Variants in NAALADL2 observed in about 807,000 individuals in gnomAD.
The protein encoded by NAALADL2 is N-acetylated alpha-linked acidic dipeptidase like 2.
A neutral mutation model predicts 87.2 loss-of-function variants in NAALADL2; 76 were observed. That is an observed-to-expected ratio of 0.87 (90% CI 0.72 to 1.05). The LOEUF (loss-of-function observed/expected upper bound fraction) is 1.05, where lower values mean the gene tolerates loss of function less well. NAALADL2 is among the 50% of genes least tolerant of loss of function. The pLI, the probability that NAALADL2 is intolerant of heterozygous loss-of-function variation, is 0.00. For synonymous variants in NAALADL2, 354 were observed against 331.0 expected, an observed-to-expected ratio of 1.07 and a Z score of -0.75; for missense variants, 1,089 against 945.8, an observed-to-expected ratio of 1.15 and a Z score of -1.99.
In NAALADL2 at chr3:175,570,741, G is replaced by A. The variant is rs369782804; in HGVS notation, c.1654-5300G>A. Among the ~76,000 whole-genome samples the A allele has an allele frequency of 5.3e-3, 813 of 152,036 alleles. 6 individuals are homozygous for A. The highest frequency in any genetic ancestry group is 0.016 in the African/African-American group (646 of 41,482). ...CAAAAATACAAAAAATTAGCCGGGC[G>A]TGGTGGCGGGCGCCTGTAGTCCCAG... On this transcript the variant is annotated intron_variant, in intron 9 of 13. Transcript: ENST00000454872.
chr3:175,330,743 T>A (rs892365509), intron 5 of NAALADL2, among the ~76,000 whole-genome samples: 7 of 151,878 alleles, frequency 4.6e-5, no homozygotes, highest in African/African-American at 1.7e-4. Flanking sequence ...TCCATCTCAA[T>A]GAACTAGAAA....
rs896776870 is a variant in NAALADL2 at position 174,745,183 on chromosome 3, A to G, written c.-9+7437A>G. Among the ~76,000 whole-genome samples the G allele has an allele frequency of 3.3e-5, 5 of 151,542 alleles. No homozygotes were observed. In the East Asian group the frequency reaches 9.7e-4, roughly 29 times the overall value. ...AGCTGGTTTTTGAAAAAAATAATAA[A>G]ATAGACCACAAGCTAGACTAATAAA... On this transcript the variant is annotated intron_variant, in intron 3 of 3. Coordinates refer to the NAALADL2 transcript ENST00000434257.
chr3:175,602,438 A>G (rs1723090844), intron 10 of NAALADL2, among the ~76,000 whole-genome samples: 1 of 142,476 alleles, frequency 7.0e-6, no homozygotes, highest in Non-Finnish European at 1.5e-5. Flanking sequence ...TATGTTATGT[A>G]TTTATTTGTA....
intron 2 of NAALADL2, among the ~76,000 whole-genome samples, chr3:174,734,962 AT>A (rs1041565274): frequency 2.6e-5 from 4 of 152,168 alleles, no homozygotes; most frequent in African/African-American, 9.7e-5. Context: ...GAGGGTAAGA[AT>A]TTTTTTCTAG....
chr3:175,617,734 T>C (rs1725542387), intron 10 of NAALADL2, among the ~76,000 whole-genome samples: 1 of 152,342 alleles, frequency 6.6e-6, no homozygotes, highest in African/African-American at 2.4e-5. Context: ...AATAAACTTG[T>C]ACTTTAGGAT....
chr3:175,212,826 G>C (rs936641421), intron 2 of NAALADL2, among the ~76,000 whole-genome samples: 5 of 152,132 alleles, frequency 3.3e-5, no homozygotes, highest in Non-Finnish European at 7.3e-5. Context: ...CAGAAAGTTC[G>C]TATGAAATAC....
At chr3:174,823,034 A>T (rs1216719067) in intron 3 of NAALADL2, among the ~76,000 whole-genome samples, 6 of 152,196 alleles carry the variant, frequency 3.9e-5, no homozygotes, top group Non-Finnish European at 8.8e-5. Flanking sequence ...GGTATACATT[A>T]TGAATGTAAT....
chr3:175,038,623 T>G (rs1054933975), intron 1 of NAALADL2, among the ~76,000 whole-genome samples: 1 of 152,184 alleles, frequency 6.6e-6, no homozygotes, highest in Non-Finnish European at 1.5e-5. Context: ...TTTCAATAAT[T>G]CTTAATGAAC....
At chr3:174,951,278 C>G (rs980818293) in intron 1 of NAALADL2, among the ~76,000 whole-genome samples, 4 of 151,442 alleles carry the variant, frequency 2.6e-5, no homozygotes, top group Admixed American at 2.0e-4. Context: ...GAATGTAATT[C>G]TCAGGAGGCA....
At chr3:175,289,986 T>G (rs1305372907) in intron 4 of NAALADL2, among the ~76,000 whole-genome samples, 1 of 152,186 alleles carries the variant, frequency 6.6e-6, no homozygotes, top group South Asian at 2.1e-4. Flanking sequence ...CTTAATATTA[T>G]TAATTGTCAG....
chr3:175,022,779 C>T (rs1318984259), intron 1 of NAALADL2, among the ~76,000 whole-genome samples: 6 of 152,084 alleles, frequency 3.9e-5, no homozygotes, highest in Non-Finnish European at 8.8e-5. Flanking sequence ...ATAATTCTTA[C>T]TCGAGAAAGA....
intron 1 of NAALADL2, 63 bp from the exon 2 acceptor site, chr3:175,096,727 A>T: frequency 8.8e-7 from 1 of 1,136,380 alleles, no homozygotes; most frequent in Non-Finnish European, 1.2e-6. Flanking sequence ...TTTTGTTTTC[A>T]CTTTGTTAGT....
At position 174,792,972 on chromosome 3, in the gene NAALADL2, T is replaced by C. The variant is rs542417115; in HGVS notation, c.-9+55226T>C. Reference sequence around the variant, plus strand: ...TAACTTAGAGTTTTGGATGGACTTATGTAAGATAAAAATAGTCACTTTATC... The same window carrying C: ...TAACTTAGAGTTTTGGATGGACTTACGTAAGATAAAAATAGTCACTTTATC... On this transcript the variant is annotated intron_variant, in intron 3 of 3. Transcript: ENST00000434257. 2.2e-4 allele frequency among the ~76,000 whole-genome samples: 34 copies of C among 152,252 alleles called. No homozygotes were observed. In the South Asian group the frequency reaches 3.3e-3, roughly 15 times the overall value.
intron 1 of NAALADL2, among the ~76,000 whole-genome samples, chr3:174,927,569 C>A (rs1736257507): frequency 1.3e-5 from 2 of 152,172 alleles, no homozygotes; most frequent in Non-Finnish European, 1.5e-5. Flanking sequence ...CAAAACTACT[C>A]AACTACATGG....
rs761513802 is a variant in NAALADL2, at chr3:174,450,869, C to CAAA, written c.-184+9859_-184+9861dup. Among the ~76,000 whole-genome samples the CAAA allele has an allele frequency of 5.1e-3, 380 of 74,710 alleles. 11 individuals carry two copies. Among genetic ancestry groups the CAAA allele is most frequent in the African/African-American group, 9.8e-3 (197 of 20,084 alleles). 49.0% of individuals were successfully genotyped at this position (74,710 alleles called of 152,430 possible). A position where few individuals can be genotyped will look rare whatever the true frequency, so the allele number is the denominator to read the frequency against. The stretch of plus-strand genomic sequence containing the variant: ...TGGGCAACAGAATGAGACTCTGTCT[C>CAAA]AAAAAAAAAAAAAAAAAAAAAAAAG... On this transcript the variant is annotated intron_variant, in intron 1 of 3. Coordinates refer to the NAALADL2 transcript ENST00000434257.
At chr3:175,402,188 A>C (rs1037201089) in intron 5 of NAALADL2, among the ~76,000 whole-genome samples, 1 of 152,104 alleles carries the variant, frequency 6.6e-6, no homozygotes, top group East Asian at 1.9e-4. Flanking sequence ...CAGTTTGAAA[A>C]CATAAAACAA....
intron 5 of NAALADL2, among the ~76,000 whole-genome samples, chr3:175,438,890 G>A (rs1041467980): frequency 7.9e-5 from 12 of 152,118 alleles, no homozygotes; most frequent in African/African-American, 2.9e-4. Flanking sequence ...GGGAACGGGT[G>A]GTGTTTGGTT....
At chr3:174,453,733 G>A (rs935856897) in intron 1 of NAALADL2, among the ~76,000 whole-genome samples, 1 of 152,150 alleles carries the variant, frequency 6.6e-6, no homozygotes, top group Non-Finnish European at 1.5e-5. Flanking sequence ...ATTATTGTCA[G>A]ACCTGCTTTA....
chr3:174,699,064 C>T (rs1042225503), intron 2 of NAALADL2, among the ~76,000 whole-genome samples: 3 of 151,884 alleles, frequency 2.0e-5, no homozygotes, highest in African/African-American at 7.3e-5. Context: ...CCTGTGATTC[C>T]ATGTAGATGA....
Sources: allele counts gnomAD v4.1 joint callset (sites outside exome capture counted in the v4.1 genomes callset), GRCh38; gene constraint gnomAD v4.1.1; transcripts MANE v1.5; gene names NCBI Gene and HGNC (gene_info 2026-07-23, HGNC 2026-07-21).